Variants in TRAF3 observed in about 807,000 individuals in gnomAD.
The protein encoded by TRAF3 is TNF receptor-associated factor 3.
In TRAF3, 13 loss-of-function variants were observed where a neutral mutation model predicts 62.3. The observed-to-expected ratio is 0.21, with a 90% confidence interval of 0.14 to 0.33. TRAF3 has a LOEUF of 0.33. Ranked by LOEUF, TRAF3 falls within the 10% of genes least tolerant of loss-of-function variation. The pLI, the probability that TRAF3 is intolerant of heterozygous loss-of-function variation, is 1.00. For synonymous variants in TRAF3, 269 were observed against 283.4 expected (o/e 0.95, Z 0.51); for missense variants, 440 against 741.8 (o/e 0.59, Z 4.73).
intron 2 of TRAF3, among the ~76,000 whole-genome samples, chr14:102,850,715 T>TAA (rs1886985946): frequency 8.5e-6 from 1 of 117,052 alleles, no homozygotes; most frequent in South Asian, 2.4e-4. Flanking sequence ...AAAAAAAAGT[T>TAA]ACAGCGCTCA....
intron 1 of TRAF3, among the ~76,000 whole-genome samples, chr14:102,784,804 G>A (rs777996780): frequency 6.6e-6 from 1 of 152,300 alleles, no homozygotes; most frequent in Middle Eastern, 3.4e-3. Flanking sequence ...AGGAGGAGGC[G>A]TTTCCCAAGG....
intron 7 of TRAF3, among the ~76,000 whole-genome samples, chr14:102,886,660 G>T (rs1034942627): frequency 2.0e-5 from 3 of 152,076 alleles, no homozygotes; most frequent in Non-Finnish European, 2.9e-5. Flanking sequence ...GGAGGCCGAG[G>T]CAGGAGAATC....
intron 2 of TRAF3, among the ~76,000 whole-genome samples, chr14:102,834,002 A>AAT (rs1555369927): frequency 6.7e-6 from 1 of 149,856 alleles, no homozygotes; most frequent in Non-Finnish European, 1.5e-5. Context: ...GGGAAAAAAA[A>AAT]GAATATTTGG....
At chr14:102,843,810 T>C (rs563513354) in intron 2 of TRAF3, among the ~76,000 whole-genome samples, 34 of 149,920 alleles carry the variant, frequency 2.3e-4, no homozygotes, top group South Asian at 1.0e-3. Context: ...CCTGTGTTTC[T>C]AAAAGGAAAA....
At chr14:102,842,045 G>A (rs1457504602) in intron 2 of TRAF3, among the ~76,000 whole-genome samples, 1 of 151,914 alleles carries the variant, frequency 6.6e-6, no homozygotes, top group African/African-American at 2.4e-5. Flanking sequence ...TGGAGTTGAA[G>A]AGTAGCCTGG....
intron 2 of TRAF3, among the ~76,000 whole-genome samples, chr14:102,863,648 G>A (rs532740396): frequency 1.3e-5 from 2 of 152,306 alleles, no homozygotes; most frequent in Admixed American, 1.3e-4. Flanking sequence ...ATGTGTCAGA[G>A]CTTTTCAAAC....
At chr14:102,778,108 C>T (rs1566731002) in intron 1 of TRAF3, among the ~76,000 whole-genome samples, 2 of 150,294 alleles carry the variant, frequency 1.3e-5, no homozygotes, top group Admixed American at 6.6e-5. Context: ...CCGGGCCGGC[C>T]GGGGGGGCCC....
chr14:102,856,099 A>C (rs992854018), intron 2 of TRAF3, among the ~76,000 whole-genome samples: 3 of 127,904 alleles, frequency 2.3e-5, no homozygotes, highest in East Asian at 2.0e-4. Flanking sequence ...CTGTCTCACA[A>C]AAAAAAAAAA....
At chr14:102,808,149 C>G (rs1237516938) in intron 1 of TRAF3, among the ~76,000 whole-genome samples, 2 of 152,206 alleles carry the variant, frequency 1.3e-5, no homozygotes, top group African/African-American at 4.8e-5. Context: ...TCACTTTGGC[C>G]ACGTCCCTGG....
chr14:102,821,055 T>C (rs1899957672), intron 1 of TRAF3, among the ~76,000 whole-genome samples: 1 of 152,184 alleles, frequency 6.6e-6, no homozygotes, highest in African/African-American at 2.4e-5. Flanking sequence ...CTCAAGCACT[T>C]TAAAAGGATG....
chr14:102,788,332 G>A (rs1487602004), intron 1 of TRAF3, among the ~76,000 whole-genome samples: 1 of 152,164 alleles, frequency 6.6e-6, no homozygotes, highest in Non-Finnish European at 1.5e-5. Context: ...CGTATTTAGT[G>A]TATTCACAAT....
At chr14:102,831,188 G>A (rs565905566) in intron 2 of TRAF3, among the ~76,000 whole-genome samples, 1 of 152,290 alleles carries the variant, frequency 6.6e-6, no homozygotes, top group East Asian at 1.9e-4. Context: ...CCAGCAGTAT[G>A]GCCCAATGGT....
intron 1 of TRAF3, among the ~76,000 whole-genome samples, chr14:102,807,633 G>A (rs1364007795): frequency 4.6e-5 from 7 of 152,244 alleles, no homozygotes; most frequent in East Asian, 3.9e-4. Flanking sequence ...CCTCCTTCCC[G>A]CAGAGTTGGG....
intron 6 of TRAF3, among the ~76,000 whole-genome samples, chr14:102,883,611 T>C (rs888572853): frequency 3.3e-5 from 5 of 152,038 alleles, no homozygotes; most frequent in African/African-American, 1.2e-4. Context: ...TTCGAGGCAG[T>C]GTCTCACTCT....
At chr14:102,867,487 G>A (rs143466089) in intron 2 of TRAF3, among the ~76,000 whole-genome samples, 124 of 152,250 alleles carry the variant, frequency 8.1e-4, no homozygotes, top group African/African-American at 2.6e-3. Context: ...AGCACAGAGC[G>A]GTATGGGGGA....
intron 1 of TRAF3, among the ~76,000 whole-genome samples, chr14:102,778,597 C>T (rs75819244): frequency 5.3e-5 from 8 of 151,420 alleles, no homozygotes; most frequent in African/African-American, 1.9e-4. Flanking sequence ...GTGTGTGTGC[C>T]TGTGTGTGTG....
rs753139274 is a variant in TRAF3 at position 102,886,284 on chromosome 14, G to T, written c.651+15G>T. Reference sequence around the variant, plus strand: ...TGAGGAGCGAGGTAGGGGCGGCCGGGCCCGGCCGGGAGTCTGTGGAGTCCT... The same window carrying T: ...TGAGGAGCGAGGTAGGGGCGGCCGGTCCCGGCCGGGAGTCTGTGGAGTCCT... On this transcript the variant is annotated intron_variant, in intron 7 of 11. Transcript: ENST00000392745. 4.4e-6 allele frequency: 7 copies of T among 1,600,532 alleles called. No individual in the cohort carries two copies. Among genetic ancestry groups the T allele is most frequent in the Non-Finnish European group, 5.1e-6 (6 of 1,175,976 alleles).
At chr14:102,855,520 G>C (rs989589445) in intron 2 of TRAF3, among the ~76,000 whole-genome samples, 2 of 152,034 alleles carry the variant, frequency 1.3e-5, no homozygotes, top group African/African-American at 4.8e-5. Flanking sequence ...TATAGGCCAG[G>C]CGCAGTGGCT....
chr14:102,870,273 C>T lies in TRAF3; in HGVS notation c.72C>T (p.Asp24=), dbSNP rs760845229. ...ACCCGCCGCTAAAGCTGCACACTGA[C>T]CGCAGTGCTGGGACGCCAGTTTTTG... The part of the protein sequence containing the change: ...QTNPPLKLHT[D]RSAGTPVFVP... Residue 24 remains aspartate, a synonymous_variant, in exon 3 of 12, where the codon GAC becomes GAT. Transcript: ENST00000392745. 4 of 1,614,124 alleles carry T rather than the reference C, an allele frequency of 2.5e-6. No homozygotes were observed. The South Asian group carries it at 4.4e-5, about 18-fold the overall frequency.
Sources: allele counts gnomAD v4.1 joint callset (sites outside exome capture counted in the v4.1 genomes callset), GRCh38; gene constraint gnomAD v4.1.1; transcripts MANE v1.5; gene names NCBI Gene and HGNC (gene_info 2026-07-23, HGNC 2026-07-21).